The following AP2B1 variants were observed in gnomAD, a reference collection of about 807,000 sequenced individuals.
The protein encoded by AP2B1 is adaptor related protein complex 2 subunit beta 1.
In AP2B1, 23 loss-of-function variants were observed where a neutral mutation model predicts 102.0. That is an observed-to-expected ratio of 0.23 (90% CI 0.16 to 0.32). AP2B1 has a LOEUF of 0.32. Among genes scored for constraint, AP2B1 ranks in the 10% least tolerant of loss-of-function variants. The probability of loss-of-function intolerance (pLI) is 1.00; values close to 1 mark genes in which losing one functional copy is unlikely to be tolerated. For missense variants in AP2B1, 541 were observed against 1,157.4 expected, an observed-to-expected ratio of 0.47 and a Z score of 7.73; for synonymous variants, 381 against 421.2, an observed-to-expected ratio of 0.90 and a Z score of 1.17.
intron 13 of AP2B1, among the ~76,000 whole-genome samples, chr17:35,654,070 T>G (rs532674723): frequency 6.7e-6 from 1 of 150,250 alleles, no homozygotes; most frequent in Non-Finnish European, 1.5e-5. Context: ...TTTTTTTACT[T>G]TTTTTTTTTG....
At position 35,597,852 on chromosome 17, in the gene AP2B1, C is replaced by T. The variant is rs375004105; in HGVS notation, c.38-378C>T. Among the ~76,000 whole-genome samples, 10 of 152,274 alleles carry T rather than the reference C, an allele frequency of 6.6e-5. No homozygotes were observed. In the East Asian group the frequency reaches 9.6e-4, roughly 15 times the overall value. On this transcript the variant is annotated intron_variant, in intron 2 of 21. Coordinates refer to ENST00000610402, the MANE Select transcript of AP2B1 (RefSeq NM_001030006.2). ...CCGAGCGTGGGTAAATGAGGTAATA[C>T]GCGCCTGCTCCCTACCTACGTTTAT...
chr17:35,636,329 T>G lies in AP2B1; in HGVS notation c.1156-12T>G. 1.3e-5 allele frequency: 21 copies of G among 1,602,902 alleles called. No individual in the cohort carries two copies. The highest frequency in any genetic ancestry group is 1.7e-5 in the Non-Finnish European group (20 of 1,172,062). On this transcript the variant is annotated splice_polypyrimidine_tract_variant and intron_variant, in intron 9 of 21. Transcript: ENST00000610402. ...TCATCTGACTTCTCATTTTTTGTAT[T>G]TTTCTTCCCAGCAATCTGCAGAGCG...
chr17:35,654,774 A>C (rs947705581), intron 13 of AP2B1, among the ~76,000 whole-genome samples: 1 of 152,090 alleles, frequency 6.6e-6, no homozygotes, highest in South Asian at 2.1e-4. Flanking sequence ...AGGAATTCAC[A>C]GTGAAGCCCT....
intron 12 of AP2B1, among the ~76,000 whole-genome samples, chr17:35,646,655 A>G (rs2074942216): frequency 6.8e-6 from 1 of 146,762 alleles, no homozygotes; most frequent in Non-Finnish European, 1.5e-5. Context: ...GTGCAATCTC[A>G]GCTCACTGCA....
chr17:35,620,643 A>C (rs1213913324), intron 5 of AP2B1, among the ~76,000 whole-genome samples: 5 of 152,014 alleles, frequency 3.3e-5, no homozygotes, highest in Non-Finnish European at 5.9e-5. Flanking sequence ...AGCCAGCCCC[A>C]TCTCTAAAAA....
intron 9 of AP2B1, 86 bp from the exon 10 acceptor site, chr17:35,636,255 C>A: frequency 1.2e-6 from 1 of 838,964 alleles, no homozygotes; most frequent in Non-Finnish European, 1.9e-6. Flanking sequence ...TTAGTTGATG[C>A]ACCTGCATGT....
Position 35,594,083 on chromosome 17 carries a change from C to T in AP2B1, c.37+16C>T. 1 of 1,564,952 alleles carries T rather than the reference C, an allele frequency of 6.4e-7. No individual in the cohort carries two copies. On this transcript the variant is annotated intron_variant, in intron 2 of 21. Transcript: ENST00000610402. The stretch of plus-strand genomic sequence containing the variant: ...AATAAAAAAGGTAAGTATGAGAATA[C>T]AATCAAATCTTTTGAAATTTTCAAA...
intron 3 of AP2B1, among the ~76,000 whole-genome samples, chr17:35,599,386 T>C (rs1480146025): frequency 6.6e-6 from 1 of 152,220 alleles, no homozygotes; most frequent in Non-Finnish European, 1.5e-5. Context: ...GGTTTTAAAG[T>C]AAAAAATTAG....
At chr17:35,681,601 G>A (rs1443830448) in intron 17 of AP2B1, among the ~76,000 whole-genome samples, 1 of 151,528 alleles carries the variant, frequency 6.6e-6, no homozygotes, top group Non-Finnish European at 1.5e-5. Context: ...TTTTTTTGGT[G>A]GGGGGTGGGC....
chr17:35,628,784 A>G (rs933750828), intron 9 of AP2B1, among the ~76,000 whole-genome samples: 23 of 152,154 alleles, frequency 1.5e-4, no homozygotes, highest in Non-Finnish European at 3.1e-4. Context: ...TTTTGTTCCT[A>G]TATCCATTAT....
At position 35,608,401 on chromosome 17, in the gene AP2B1, G is replaced by C. The variant is rs371429352; in HGVS notation, c.525+14G>C. 11 of 1,613,434 alleles carry C rather than the reference G, an allele frequency of 6.8e-6. No individual in the cohort carries two copies. The highest frequency in any genetic ancestry group is 8.5e-6 in the Non-Finnish European group (10 of 1,179,648). ...TCAAATCCAATGGTAATAAGCTTCT[G>C]CTTTTACAAAGAGAGCAGTATTTAA... On this transcript the variant is annotated intron_variant, in intron 5 of 21. Transcript: ENST00000610402.
Position 35,717,144 on chromosome 17 carries a change from T to C in AP2B1, c.2627-51T>C, listed in dbSNP as rs782785922. On this transcript the variant is annotated intron_variant, in intron 20 of 21. Coordinates refer to ENST00000610402, the MANE Select transcript of AP2B1 (RefSeq NM_001030006.2). Reference sequence around the variant, plus strand: ...TAAGGATGTGAGAAGAGAGTGTACATTTGTTTGAGATTTTAACTGAAGGTG... The same window carrying C: ...TAAGGATGTGAGAAGAGAGTGTACACTTGTTTGAGATTTTAACTGAAGGTG... 2.5e-6 allele frequency: 4 copies of C among 1,592,482 alleles called. No individual in the cohort carries two copies. The South Asian group carries it at 4.5e-5, about 18-fold the overall frequency.
chr17:35,669,912 C>CA (rs2075550463), intron 14 of AP2B1, among the ~76,000 whole-genome samples: 1 of 152,184 alleles, frequency 6.6e-6, no homozygotes, highest in Non-Finnish European at 1.5e-5. Context: ...GGAACTGTAG[C>CA]AAAAAGTAGA....
chr17:35,596,493 G>A (rs542054601), intron 2 of AP2B1, among the ~76,000 whole-genome samples: 2 of 150,996 alleles, frequency 1.3e-5, no homozygotes, highest in East Asian at 2.0e-4. Flanking sequence ...GGCAAATCAC[G>A]TAGTGTTTGT....
At chr17:35,610,146 A>ATTTTTTT (rs1016459653) in intron 5 of AP2B1, among the ~76,000 whole-genome samples, 1 of 150,222 alleles carries the variant, frequency 6.7e-6, no homozygotes, top group Non-Finnish European at 1.5e-5. Context: ...CCTTTTATTT[A>ATTTTTTT]TTTTTTATTT....
intron 5 of AP2B1, among the ~76,000 whole-genome samples, chr17:35,614,655 TAAAAAAAAAAAAAAAA>T (rs3031833): frequency 1.1e-5 from 1 of 93,158 alleles, no homozygotes; most frequent in Non-Finnish European, 2.0e-5. Context: ...GTTGAATTAG[TAAAAAAAAAAAAAAAA>T]AAAAAAAAAT....
intron 4 of AP2B1, 144 bp downstream of exon 4, chr17:35,605,984 G>C: frequency 7.3e-7 from 1 of 1,367,376 alleles, no homozygotes. Context: ...GTGTCATCCA[G>C]GGAAATTCAA....
At chr17:35,635,180 A>G (rs763933319) in intron 9 of AP2B1, among the ~76,000 whole-genome samples, 20 of 152,132 alleles carry the variant, frequency 1.3e-4, no homozygotes, top group Admixed American at 2.0e-4. Context: ...CAGCCTCCCA[A>G]GTAGCTGGGA....
intron 19 of AP2B1, 47 bp from the exon 20 acceptor site, chr17:35,710,187 C>A: frequency 7.4e-7 from 1 of 1,360,258 alleles, no homozygotes; most frequent in Non-Finnish European, 1.1e-6. Context: ...AATCAGAATA[C>A]TGACAGCTTA....
Sources: allele counts gnomAD v4.1 joint callset (sites outside exome capture counted in the v4.1 genomes callset), GRCh38; gene constraint gnomAD v4.1.1; transcripts MANE v1.5; gene names NCBI Gene and HGNC (gene_info 2026-07-23, HGNC 2026-07-21).